Variants in ATAD2B observed in about 807,000 individuals in gnomAD.
ATAD2B encodes the protein ATPase family AAA domain containing 2B.
In ATAD2B, 40 loss-of-function variants were observed where a neutral mutation model predicts 167.6. That is an observed-to-expected ratio of 0.24 (90% CI 0.19 to 0.31). The LOEUF (loss-of-function observed/expected upper bound fraction) is 0.31. Among genes scored for constraint, ATAD2B ranks in the 10% least tolerant of loss-of-function variants. The pLI is 1.00. For synonymous variants in ATAD2B, 579 were observed against 596.5 expected, an observed-to-expected ratio of 0.97 and a Z score of 0.43; for missense variants, 1,242 against 1,757.2, an observed-to-expected ratio of 0.71 and a Z score of 5.24.
At chr2:23,870,328 C>G (rs1695759050) in intron 8 of ATAD2B, among the ~76,000 whole-genome samples, 2 of 143,906 alleles carry the variant, frequency 1.4e-5, no homozygotes, top group Admixed American at 1.4e-4. Context: ...ACTCTGTCAC[C>G]CAGGCTGGAG....
chr2:23,789,370 T>C (rs951822159), intron 19 of ATAD2B, among the ~76,000 whole-genome samples: 1 of 152,142 alleles, frequency 6.6e-6, no homozygotes, highest in African/African-American at 2.4e-5. Context: ...TTTTATGGTT[T>C]TTCTAGAATG....
chr2:23,728,665 A>G, the ATAD2B span, among the ~76,000 whole-genome samples: 1 of 152,174 alleles, frequency 6.6e-6, no homozygotes, highest in African/African-American at 2.4e-5. Flanking sequence ...AAAGACAAAA[A>G]ACACTATAAT....
intron 22 of ATAD2B, among the ~76,000 whole-genome samples, chr2:23,771,076 T>A (rs1678255270): frequency 6.6e-6 from 1 of 152,250 alleles, no homozygotes; most frequent in African/African-American, 2.4e-5. Context: ...TATTTCATGT[T>A]ATTTTTTGAT....
At chr2:23,705,143 A>G in the ATAD2B span, among the ~76,000 whole-genome samples, 519 of 152,334 alleles carry the variant, frequency 3.4e-3, 3 homozygotes, top group African/African-American at 0.012. Context: ...GATGCAGACA[A>G]CTGGAGCATT....
the ATAD2B span, among the ~76,000 whole-genome samples, chr2:23,742,250 C>A: frequency 6.6e-6 from 1 of 152,246 alleles, no homozygotes; most frequent in African/African-American, 2.4e-5. Flanking sequence ...AAGACACATG[C>A]ACATGTATGT....
At chr2:23,869,480 G>C (rs1441653044) in intron 9 of ATAD2B, 183 bp downstream of exon 9, 1 of 573,854 alleles carries the variant, frequency 1.7e-6, no homozygotes, top group Non-Finnish European at 3.1e-6. Flanking sequence ...AGTACTTTCA[G>C]ACTAAATGAT....
intron 13 of ATAD2B, among the ~76,000 whole-genome samples, chr2:23,843,829 A>C (rs1375876399): frequency 6.6e-6 from 1 of 152,260 alleles, no homozygotes; most frequent in Non-Finnish European, 1.5e-5. Flanking sequence ...GGTAAACCTC[A>C]TGATTCAAAG....
At chr2:23,884,227 G>A (rs1187671580) in intron 6 of ATAD2B, among the ~76,000 whole-genome samples, 2 of 152,132 alleles carry the variant, frequency 1.3e-5, no homozygotes, top group African/African-American at 2.4e-5. Flanking sequence ...CCAATGTGCT[G>A]CTGTCATGTT....
At chr2:23,831,077 T>C (rs981987984) in intron 14 of ATAD2B, among the ~76,000 whole-genome samples, 30 of 152,102 alleles carry the variant, frequency 2.0e-4, no homozygotes, top group Non-Finnish European at 3.5e-4. Context: ...AATACTTAAA[T>C]GTAGAAATCA....
intron 16 of ATAD2B, among the ~76,000 whole-genome samples, chr2:23,820,683 T>C (rs764037584): frequency 2.0e-5 from 3 of 152,226 alleles, no homozygotes; most frequent in African/African-American, 7.2e-5. Context: ...TAAAATGAGA[T>C]GCTAAATTAT....
At position 23,818,187 on chromosome 2, in the gene ATAD2B, C is replaced by T. The variant is rs1304370758; in HGVS notation, c.2267+1560G>A. Reference sequence around the variant, plus strand: ...GGAAGAAGAGAGGGAGAGGGAGAGACGGAGGGAGGGAAGAAGAGAGGGAGA... The same window carrying T: ...GGAAGAAGAGAGGGAGAGGGAGAGATGGAGGGAGGGAAGAAGAGAGGGAGA... On this transcript the variant is annotated intron_variant, in intron 17 of 27. Coordinates refer to ENST00000238789, the MANE Select transcript of ATAD2B (RefSeq NM_017552.4). Among the ~76,000 whole-genome samples, 22 of 24,722 alleles carry T rather than the reference C, an allele frequency of 8.9e-4. No homozygotes were observed. The Admixed American group carries it at 0.013, about 15-fold the overall frequency. The allele number at this position is 24,722 out of a possible 152,430, so 16.2% of individuals were successfully genotyped here.
At chr2:23,923,892 C>G (rs1162130650) in intron 1 of ATAD2B, among the ~76,000 whole-genome samples, 2 of 152,210 alleles carry the variant, frequency 1.3e-5, no homozygotes, top group Non-Finnish European at 2.9e-5. Flanking sequence ...TAGTTAAGAA[C>G]ATGGCACAGG....
At chr2:23,834,951 A>G (rs1689689754) in intron 13 of ATAD2B, among the ~76,000 whole-genome samples, 1 of 152,206 alleles carries the variant, frequency 6.6e-6, no homozygotes, top group Non-Finnish European at 1.5e-5. Flanking sequence ...TCCAAAGACG[A>G]TACACAAAAC....
intron 18 of ATAD2B, among the ~76,000 whole-genome samples, chr2:23,806,679 A>T (rs1327844033): frequency 6.6e-6 from 1 of 152,196 alleles, no homozygotes; most frequent in East Asian, 1.9e-4. Context: ...CTTTGAATTT[A>T]AAGTCTTACC....
At chr2:23,856,194 A>AC (rs987174816) in intron 13 of ATAD2B, 2 of 165,882 alleles carry the variant, frequency 1.2e-5, no homozygotes, top group African/African-American at 4.8e-5. Context: ...ATCTCAAAAA[A>AC]AAAAAAAAAA....
chr2:23,913,396 T>C (rs975867809), intron 1 of ATAD2B, among the ~76,000 whole-genome samples: 2 of 152,082 alleles, frequency 1.3e-5, no homozygotes, highest in Non-Finnish European at 2.9e-5. Flanking sequence ...TCCCAGCACT[T>C]TGGGAGGCCA....
chr2:23,876,761 T>C (rs376587416), intron 7 of ATAD2B, among the ~76,000 whole-genome samples: 3 of 152,080 alleles, frequency 2.0e-5, no homozygotes, highest in Non-Finnish European at 4.4e-5. Flanking sequence ...ATTTCTTAGA[T>C]ACATGATCCA....
chr2:23,797,876 G>A (rs2149459378), intron 19 of ATAD2B, among the ~76,000 whole-genome samples: 1 of 152,198 alleles, frequency 6.6e-6, no homozygotes, highest in Middle Eastern at 3.4e-3. Flanking sequence ...TAGAGATGCT[G>A]AATCTGTATA....
Position 23,757,836 on chromosome 2 carries a change from C to G in ATAD2B, c.3660G>C (p.Arg1220Ser), listed in dbSNP as rs1676131274. 4 of 1,578,122 alleles carry G rather than the reference C, an allele frequency of 2.5e-6. No homozygotes were observed. Among genetic ancestry groups the G allele is most frequent in the African/African-American group, 1.4e-5 (1 of 73,112 alleles). ...CTTTTGTGCCTGCTCCATTGTTAAG[C>G]CTCTGCCCCTGGTCCAAGTCCATGA... ...CDIMDLDQGQ[R>S]LNNGAGTKEN... is the part of the protein sequence containing the mutation. The change falls in exon 25 of 28, where the codon AGG becomes AGC. Residue 1220 changes from arginine (R) to serine (S), a missense_variant. Physicochemically the swap from Arg to Ser is moderately radical, Grantham distance 110. Around this residue, in one of 9 missense-constraint regions of ATAD2B, gnomAD observed 282 missense variants for 346.8 expected, o/e 0.81. Transcript: ENST00000238789.
Sources: gnomAD v4.1 joint callset for allele counts (sites outside exome capture counted in the v4.1 genomes callset) on GRCh38, gnomAD v4.1.1 for gene constraint, gnomAD v4.1.1 regional missense constraint, MANE v1.5 for transcripts, NCBI Gene and HGNC (gene_info 2026-07-23, HGNC 2026-07-21) for gene names.